The following ENAH variants were observed in gnomAD, a reference collection of about 807,000 sequenced individuals.
ENAH encodes protein enabled homolog.
Under a neutral mutation model 78.7 loss-of-function variants are expected in ENAH, and 23 were observed. The observed-to-expected ratio is 0.29, with a 90% CI of 0.21 to 0.41. ENAH has a LOEUF of 0.41. Ranked by LOEUF, ENAH falls within the 10% of genes least tolerant of loss-of-function variation. The pLI is 1.00. For missense variants in ENAH, 544 were observed against 691.0 expected, an observed-to-expected ratio of 0.79 and a Z score of 2.39; for synonymous variants, 226 against 241.0, an observed-to-expected ratio of 0.94 and a Z score of 0.58.
At chr1:225,620,137 T>G (rs1656537112) in intron 1 of ENAH, among the ~76,000 whole-genome samples, 1 of 151,912 alleles carries the variant, frequency 6.6e-6, no homozygotes, top group African/African-American at 2.4e-5. Context: ...AAAATCTGAT[T>G]TGAAAGCTGG....
chr1:225,577,540 T>C (rs1435321735), intron 1 of ENAH, among the ~76,000 whole-genome samples: 1 of 152,382 alleles, frequency 6.6e-6, no homozygotes, highest in African/African-American at 2.4e-5. Flanking sequence ...TTATGTTTCA[T>C]TCATCTTTCT....
intron 3 of ENAH, among the ~76,000 whole-genome samples, chr1:225,548,385 T>C (rs1463618340): frequency 6.6e-6 from 1 of 152,206 alleles, no homozygotes; most frequent in Non-Finnish European, 1.5e-5. Context: ...TAGAGTCTTT[T>C]GACTCTAAAC....
At chr1:225,581,180 A>T in intron 1 of ENAH, 1 of 694,216 alleles carries the variant, frequency 1.4e-6, no homozygotes. Flanking sequence ...TTGGCAACAC[A>T]TACTTCCCTA....
chr1:225,650,843 G>A (rs945738559), intron 1 of ENAH, among the ~76,000 whole-genome samples: 2 of 86,256 alleles, frequency 2.3e-5, no homozygotes, highest in African/African-American at 1.0e-4. Flanking sequence ...GAGCAAGACT[G>A]CATTTAAAAA....
intron 1 of ENAH, among the ~76,000 whole-genome samples, chr1:225,574,162 T>A (rs2096776579): frequency 6.6e-6 from 1 of 152,220 alleles, no homozygotes; most frequent in African/African-American, 2.4e-5. Context: ...TTGGGCTATG[T>A]CTACAATATT....
chr1:225,570,815 T>C (rs951162460), intron 1 of ENAH, among the ~76,000 whole-genome samples: 1 of 151,016 alleles, frequency 6.6e-6, no homozygotes, highest in Non-Finnish European at 1.5e-5. Flanking sequence ...AAAAAAAAAT[T>C]AGCCAGGTCT....
At chr1:225,600,897 GA>G (rs1380628865) in intron 1 of ENAH, among the ~76,000 whole-genome samples, 1 of 151,860 alleles carries the variant, frequency 6.6e-6, no homozygotes, top group Non-Finnish European at 1.5e-5. Context: ...AAAAGAAAAA[GA>G]AAGAATATTA....
chr1:225,539,850 C>T (rs570294028), intron 3 of ENAH, among the ~76,000 whole-genome samples: 16 of 152,284 alleles, frequency 1.1e-4, no homozygotes, highest in African/African-American at 3.8e-4. Context: ...TCTTTTTGTA[C>T]CAACTAGAAC....
chr1:225,643,151 T>C (rs1661385011), intron 1 of ENAH, among the ~76,000 whole-genome samples: 1 of 152,220 alleles, frequency 6.6e-6, no homozygotes, highest in Admixed American at 6.5e-5. Flanking sequence ...ATGACAAATT[T>C]GGGTTTTAGT....
intron 5 of ENAH, chr1:225,517,636 T>C (rs1489693695): frequency 1.2e-5 from 19 of 1,549,816 alleles, no homozygotes; most frequent in Middle Eastern, 1.7e-4. Flanking sequence ...GGGCGAAAAA[T>C]TGGAAGTAGA....
chr1:225,624,985 T>C (rs1657679514), intron 1 of ENAH, among the ~76,000 whole-genome samples: 1 of 152,206 alleles, frequency 6.6e-6, no homozygotes, highest in African/African-American at 2.4e-5. Context: ...ATGTGACAGA[T>C]AGAGCTCATG....
intron 6 of ENAH, among the ~76,000 whole-genome samples, chr1:225,516,197 G>A (rs1298941216): frequency 6.6e-6 from 1 of 152,154 alleles, no homozygotes; most frequent in Admixed American, 6.5e-5. Flanking sequence ...TAGGGACGGG[G>A]AGAATAACTA....
At chr1:225,549,023 C>T (rs892088872) in intron 3 of ENAH, among the ~76,000 whole-genome samples, 1 of 151,762 alleles carries the variant, frequency 6.6e-6, no homozygotes, top group Non-Finnish European at 1.5e-5. Flanking sequence ...CTAATTTTTG[C>T]GTTTTTAGTA....
intron 7 of ENAH, 73 bp from the exon 8 acceptor site, chr1:225,513,089 A>G: frequency 8.0e-7 from 1 of 1,255,848 alleles, no homozygotes; most frequent in Non-Finnish European, 1.1e-6. Context: ...ATTACATCTA[A>G]AACAGAAGGA....
intron 1 of ENAH, among the ~76,000 whole-genome samples, chr1:225,639,239 T>C (rs2148428602): frequency 6.6e-6 from 1 of 152,330 alleles, no homozygotes; most frequent in East Asian, 1.9e-4. Context: ...AAGTGTGTTC[T>C]ATATCCAGAC....
chr1:225,531,380 T>C (rs933584701), intron 3 of ENAH, among the ~76,000 whole-genome samples: 6 of 152,122 alleles, frequency 3.9e-5, no homozygotes, highest in Admixed American at 6.6e-5. Flanking sequence ...CAGACCTGTT[T>C]TTTGCATCTT....
intron 1 of ENAH, among the ~76,000 whole-genome samples, chr1:225,582,206 C>T (rs2096822463): frequency 6.6e-6 from 1 of 152,132 alleles, no homozygotes; most frequent in Non-Finnish European, 1.5e-5. Flanking sequence ...GAAGTGCCAG[C>T]TCCCCCTTTG....
At chr1:225,565,457 ATTTC>A (rs2096730022) in intron 2 of ENAH, among the ~76,000 whole-genome samples, 1 of 151,398 alleles carries the variant, frequency 6.6e-6, no homozygotes, top group African/African-American at 2.4e-5. Flanking sequence ...AAAAAAAAGA[ATTTC>A]TTTCTGATTA....
intron 1 of ENAH, among the ~76,000 whole-genome samples, chr1:225,637,103 C>A (rs1660199555): frequency 6.6e-6 from 1 of 152,176 alleles, no homozygotes; most frequent in South Asian, 2.1e-4. Flanking sequence ...AAAGGCACTG[C>A]TGAACTGTTT....
Sources: allele counts gnomAD v4.1 joint callset (sites outside exome capture counted in the v4.1 genomes callset), GRCh38; gene constraint gnomAD v4.1.1; transcripts MANE v1.5; gene names NCBI Gene and HGNC (gene_info 2026-07-23, HGNC 2026-07-21).